Variants in ADAMTS13 observed in about 807,000 individuals in gnomAD.
ADAMTS13 encodes ADAM metallopeptidase with thrombospondin type 1 motif 13, also known as A disintegrin and metalloproteinase with thrombospondin motifs 13.
ADAMTS13 carries 110 observed loss-of-function variants against 155.1 expected under a neutral mutation model. The ratio of observed to expected loss-of-function variants is 0.71; its 90% confidence interval spans 0.61 to 0.83. The LOEUF is 0.83. ADAMTS13 is among the 40% of genes least tolerant of loss of function. The pLI, the probability that ADAMTS13 is intolerant of heterozygous loss-of-function variation, is 0.00. For synonymous variants in ADAMTS13, 758 were observed against 756.4 expected (o/e 1.00, Z -0.03); for missense variants, 1,707 against 1,891.7 (o/e 0.90, Z 1.81).
At chr9:133,420,012 C>G (rs888666977), upstream of ADAMTS13, among the ~76,000 whole-genome samples, 1 of 152,062 alleles carries the variant, frequency 6.6e-6, no homozygotes, top group Non-Finnish European at 1.5e-5. Context: ...TCAAGTGATT[C>G]TTCTGCCTCA....
intron 25 of ADAMTS13, chr9:133,455,719 G>T: frequency 7.3e-7 from 1 of 1,371,176 alleles, no homozygotes; most frequent in South Asian, 1.2e-5. Flanking sequence ...TGCCTGGGAG[G>T]CCGGGATCAG....
chr9:133,435,569 G>A (rs1395645915), intron 11 of ADAMTS13, among the ~76,000 whole-genome samples: 15 of 143,710 alleles, frequency 1.0e-4, no homozygotes, highest in East Asian at 2.0e-4. Flanking sequence ...TCGCTCTGTC[G>A]CCCAAGCTGG....
At chr9:133,436,788 C>CCCCCCCCCCCCCT in intron 11 of ADAMTS13, 41 bp from the exon 12 acceptor site, 1 of 618,366 alleles carries the variant, frequency 1.6e-6, no homozygotes, top group Non-Finnish European at 2.8e-6. Context: ...ACCCGCCCCC[C>CCCCCCCCCCCCCT]GCCCCACCGC....
At chr9:133,421,174 G>C (rs782234957), upstream of ADAMTS13, among the ~76,000 whole-genome samples, 1 of 152,238 alleles carries the variant, frequency 6.6e-6, no homozygotes, top group Non-Finnish European at 1.5e-5. Flanking sequence ...GCTGAGGCAG[G>C]AGAATCACTT....
At chr9:133,454,015 T>G (rs1842597892) in intron 23 of ADAMTS13, among the ~76,000 whole-genome samples, 1 of 152,116 alleles carries the variant, frequency 6.6e-6, no homozygotes. Context: ...ATGGGCAGCC[T>G]TCCCTTGCCC....
rs1352273133 is a variant in ADAMTS13 at position 133,459,324 on chromosome 9, TG to T, written c.*148del. 8 of 858,606 alleles carry T rather than the reference TG, an allele frequency of 9.3e-6. No individual in the cohort carries two copies. The East Asian group carries it at 2.1e-4, about 23-fold the overall frequency. The allele number at this position is 858,606 out of a possible 1,614,324, so 53.2% of individuals were successfully genotyped here. A position where few individuals can be genotyped will look rare whatever the true frequency, so the allele number is the denominator to read the frequency against. ...GTCCAAAAGGCTAGGGGGTTGGAGG[TG>T]GGGACTCTGGAAAAGCAGCCCCCAT... On this transcript the variant is annotated 3_prime_UTR_variant, in exon 29 of 29. Transcript: ENST00000355699.
chr9:133,428,111 C>A (rs587627900), intron 6 of ADAMTS13, among the ~76,000 whole-genome samples: 18 of 152,312 alleles, frequency 1.2e-4, no homozygotes, highest in African/African-American at 4.3e-4. Flanking sequence ...CCATCAGTTC[C>A]GCTTTGGGTA....
rs1037674025 is a variant in ADAMTS13 at position 133,443,398 on chromosome 9, C to A, written c.2257C>A (p.Pro753Thr). 3 of 1,598,336 alleles carry A rather than the reference C, an allele frequency of 1.9e-6. No homozygotes were observed. Among genetic ancestry groups the A allele is most frequent in the African/African-American group, 2.7e-5 (2 of 74,852 alleles). ...PPYWAVGDFG[P>T]CSASCGGGLR... is the part of the protein sequence containing the mutation. ...CAGCTGGGCGGTGGGAGACTTCGGCCCATGCAGCGCCTCCTGTGGGGGTGG... is the reference window on the plus strand; with the variant it reads ...CAGCTGGGCGGTGGGAGACTTCGGCACATGCAGCGCCTCCTGTGGGGGTGG... The change falls in exon 19 of 29, where the codon CCA becomes ACA. Residue 753 changes from proline (P) to threonine (T), a missense_variant. By Grantham distance (38) the Pro-to-Thr change is conservative. Coordinates refer to ENST00000355699, the MANE Select transcript of ADAMTS13 (RefSeq NM_139027.6).
upstream of ADAMTS13, chr9:133,417,920 A>T (rs1554782117): frequency 7.1e-7 from 1 of 1,414,378 alleles, no homozygotes; most frequent in Admixed American, 2.2e-5. Flanking sequence ...CTGGCAGCAC[A>T]AGCGCCTGCC....
At chr9:133,420,617 C>T (rs36217942), upstream of ADAMTS13, among the ~76,000 whole-genome samples, 8,578 of 152,196 alleles carry the variant, frequency 0.056, 300 homozygotes, top group African/African-American at 0.1. Context: ...TTGATTCTGG[C>T]GGCATAAACA....
chr9:133,454,288 C>A, intron 23 of ADAMTS13, 127 bp from the exon 24 acceptor site: 2 of 1,166,052 alleles, frequency 1.7e-6, no homozygotes, highest in Non-Finnish European at 2.5e-6. Flanking sequence ...CTGCACTTTC[C>A]ATCTTGCCTG....
intron 23 of ADAMTS13, among the ~76,000 whole-genome samples, chr9:133,451,441 A>G (rs1002282312): frequency 9.9e-5 from 15 of 152,274 alleles, no homozygotes; most frequent in East Asian, 1.9e-4. Flanking sequence ...TATTTTTAGT[A>G]GAGACAGGGT....
Position 133,458,051 on chromosome 9 carries a change from A to G in ADAMTS13, c.3866A>G (p.Asn1289Ser), listed in dbSNP as rs1842844375. 1 of 1,613,504 alleles carries G rather than the reference A, an allele frequency of 6.2e-7. No homozygotes were observed. The highest frequency in any genetic ancestry group is 8.5e-7 in the Non-Finnish European group (1 of 1,180,036). Residue 1289 changes from asparagine to serine, a missense_variant, in exon 28 of 29, where the codon AAC (asparagine) becomes AGC (serine). By Grantham distance (46) the Asn-to-Ser change is conservative. Coordinates refer to ENST00000355699, the MANE Select transcript of ADAMTS13 (RefSeq NM_139027.6). The stretch of plus-strand genomic sequence containing the variant: ...ATTGCCATCCATGCCCTGGCCACCA[A>G]CATGGGCGCTGGGACCGAGGGAGCC... Reference protein sequence around the residue: ...ARIAIHALATNMGAGTEGANA... With the variant: ...ARIAIHALATSMGAGTEGANA...
At position 133,429,973 on chromosome 9, in the gene ADAMTS13, C is replaced by T. The variant is rs1170060452; in HGVS notation, c.859C>T (p.Arg287Trp). 6.5e-7 allele frequency: 1 copy of T among 1,544,686 alleles called. No homozygotes were observed. The highest frequency in any genetic ancestry group is 1.4e-5 in the African/African-American group (1 of 73,536). ...GRARCVWDPP[R>W]PQPGSAGHPP... The stretch of plus-strand genomic sequence containing the variant: ...GGCGCGCTGCGTGTGGGACCCGCCG[C>T]GGCCTCAACCCGGGTCCGCGGGGCA... Residue 287 changes from arginine (R) to tryptophan (W), a missense_variant, in exon 8 of 29, where the codon CGG becomes TGG. Transcript: ENST00000355699.
chr9:133,418,755 CT>C (rs1839826004), upstream of ADAMTS13, among the ~76,000 whole-genome samples: 6 of 152,344 alleles, frequency 3.9e-5, no homozygotes, highest in Middle Eastern at 0.014. Flanking sequence ...TGTCTGAAAT[CT>C]ATAGATAACA....
upstream of ADAMTS13, chr9:133,418,244 G>T (rs1352951819): frequency 3.6e-6 from 1 of 275,394 alleles, no homozygotes; most frequent in Non-Finnish European, 6.9e-6. Context: ...GAAGGGAACT[G>T]GGGGGCCGCT....
At position 133,438,206 on chromosome 9, in the gene ADAMTS13, C is replaced by T. The variant is rs782493780; in HGVS notation, c.1585-40C>T. 1.4e-5 allele frequency: 22 copies of T among 1,613,856 alleles called. 1 individual carries two copies. Among genetic ancestry groups the T allele is most frequent in the South Asian group, 8.8e-5 (8 of 91,048 alleles). ...GCTGCAGAGTCATTGAGGCCAGCACCCTCCAGTGACACGGGCCCTCTGTCC... is the reference window on the plus strand; with the variant it reads ...GCTGCAGAGTCATTGAGGCCAGCACTCTCCAGTGACACGGGCCCTCTGTCC... On this transcript the variant is annotated intron_variant, in intron 13 of 28. Coordinates refer to ENST00000355699, the MANE Select transcript of ADAMTS13 (RefSeq NM_139027.6).
chr9:133,428,821 G>A, intron 7 of ADAMTS13, 50 bp downstream of exon 7: 1 of 1,242,126 alleles, frequency 8.1e-7, no homozygotes, highest in South Asian at 2.8e-5. Context: ...CCAGCCCGCT[G>A]GGCCGCCAGC....
intron 6 of ADAMTS13, 67 bp from the exon 7 acceptor site, chr9:133,428,567 G>GGGGGGC: frequency 1.0e-5 from 1 of 96,950 alleles, no homozygotes. Flanking sequence ...GCCGACCCCC[G>GGGGGGC]TCCCGCCCCC....
Sources: gnomAD v4.1 joint callset for allele counts (sites outside exome capture counted in the v4.1 genomes callset) on GRCh38, gnomAD v4.1.1 for gene constraint, MANE v1.5 for transcripts, NCBI Gene and HGNC (gene_info 2026-07-23, HGNC 2026-07-21) for gene names.